Variants in JARID2 observed in about 807,000 individuals in gnomAD.
The protein encoded by JARID2 is jumonji and AT-rich interaction domain containing 2, also known as protein Jumonji.
JARID2 carries 21 observed loss-of-function variants against 125.6 expected under a neutral mutation model. The observed-to-expected ratio is 0.17, with a 90% confidence interval of 0.12 to 0.24. JARID2 has a LOEUF of 0.24. Among genes scored for constraint, JARID2 ranks in the 10% least tolerant of loss-of-function variants. The pLI is 1.00. For missense variants in JARID2, 1,303 were observed against 1,639.6 expected (o/e 0.79, Z 3.55); for synonymous variants, 736 against 661.6 (o/e 1.11, Z -1.73).
chr6:15,492,860 G>A (rs964119998), intron 6 of JARID2, among the ~76,000 whole-genome samples: 2 of 152,076 alleles, frequency 1.3e-5, no homozygotes, highest in Non-Finnish European at 2.9e-5. Context: ...TTGTTATATG[G>A]GCATGCGTGT....
intron 1 of JARID2, among the ~76,000 whole-genome samples, chr6:15,269,495 A>G (rs1760215151): frequency 6.6e-6 from 1 of 151,430 alleles, no homozygotes; most frequent in South Asian, 2.1e-4. Flanking sequence ...CCCACCCCCT[A>G]GTAGCTGGGA....
chr6:15,349,879 C>T lies in JARID2; in HGVS notation c.46-24238C>T, dbSNP rs76350807. Among the ~76,000 whole-genome samples the T allele has an allele frequency of 2.3e-3, 349 of 152,170 alleles. 12 individuals carry two copies. The East Asian group carries it at 0.063, about 27-fold the overall frequency. On this transcript the variant is annotated intron_variant, in intron 1 of 17. Coordinates refer to ENST00000341776, the MANE Select transcript of JARID2 (RefSeq NM_004973.4). Reference sequence around the variant, plus strand: ...TCTTTTTTGGAGATGAGACGGACACCGTTGAAATGTATATACAATGACAGA... The same window carrying T: ...TCTTTTTTGGAGATGAGACGGACACTGTTGAAATGTATATACAATGACAGA...
At chr6:15,456,782 A>T (rs557103935) in intron 4 of JARID2, among the ~76,000 whole-genome samples, 17 of 146,346 alleles carry the variant, frequency 1.2e-4, no homozygotes, top group African/African-American at 4.3e-4. Flanking sequence ...TAAAACCTGT[A>T]TTTCAGTGTG....
chr6:15,392,242 T>A (rs1398688938), intron 2 of JARID2, among the ~76,000 whole-genome samples: 1 of 152,198 alleles, frequency 6.6e-6, no homozygotes, highest in East Asian at 1.9e-4. Context: ...TATTCGTTTG[T>A]ATACGAAGTT....
chr6:15,404,168 T>TG (rs1765553267), intron 2 of JARID2, among the ~76,000 whole-genome samples: 1 of 152,076 alleles, frequency 6.6e-6, no homozygotes, highest in African/African-American at 2.4e-5. Flanking sequence ...AGCAAGTCAG[T>TG]GGACAAGCCT....
At chr6:15,500,079 C>T (rs776465067) in intron 7 of JARID2, among the ~76,000 whole-genome samples, 8 of 152,162 alleles carry the variant, frequency 5.3e-5, no homozygotes, top group Non-Finnish European at 8.8e-5. Flanking sequence ...GAAAATCTCC[C>T]CTACCCCCCT....
rs140995130 is a variant in JARID2, at chr6:15,452,194, C to A, written c.493+19C>A. Reference sequence around the variant, plus strand: ...CTTCGAGGTAAGACTTTGCAACCATCGGCGGAGGTCTACGTGGAATCTACA... The same window carrying A: ...CTTCGAGGTAAGACTTTGCAACCATAGGCGGAGGTCTACGTGGAATCTACA... On this transcript the variant is annotated intron_variant, in intron 4 of 17. Transcript: ENST00000341776. The A allele has an allele frequency of 6.2e-7, 1 of 1,612,758 alleles. No homozygotes were observed. The highest frequency in any genetic ancestry group is 8.5e-7 in the Non-Finnish European group (1 of 1,179,518).
chr6:15,490,881 T>TG (rs1185894317), intron 6 of JARID2, among the ~76,000 whole-genome samples: 1 of 152,230 alleles, frequency 6.6e-6, no homozygotes, highest in East Asian at 1.9e-4. Flanking sequence ...AGCCAGGATA[T>TG]TGAACCAGAT....
chr6:15,500,302 G>A (rs941970245), intron 7 of JARID2, among the ~76,000 whole-genome samples: 61 of 152,318 alleles, frequency 4.0e-4, no homozygotes, highest in African/African-American at 1.4e-3. Flanking sequence ...GTGTCCTCAC[G>A]CAGGTGTTGC....
At position 15,253,043 on chromosome 6, in the gene JARID2, C is replaced by T. The variant is rs79582695; in HGVS notation, c.45+6459C>T. 7.1e-3 allele frequency among the ~76,000 whole-genome samples: 1,081 copies of T among 152,064 alleles called. 11 individuals are homozygous for T. Among genetic ancestry groups the T allele is most frequent in the African/African-American group, 0.025 (1,021 of 41,460 alleles). On this transcript the variant is annotated intron_variant, in intron 1 of 17. Coordinates refer to ENST00000341776, the MANE Select transcript of JARID2 (RefSeq NM_004973.4). The stretch of plus-strand genomic sequence containing the variant: ...TTCAGACAATCCTATAACCTTCTGC[C>T]AGCTTCAGGTTTTTTTAATAAGGAT...
intron 3 of JARID2, among the ~76,000 whole-genome samples, chr6:15,416,374 C>T (rs1013425338): frequency 2.6e-5 from 4 of 152,326 alleles, no homozygotes; most frequent in African/African-American, 7.2e-5. Flanking sequence ...CGAGATCACG[C>T]CACTGCACTC....
intron 2 of JARID2, among the ~76,000 whole-genome samples, chr6:15,394,094 A>G (rs1160964837): frequency 6.6e-6 from 1 of 152,110 alleles, no homozygotes; most frequent in East Asian, 1.9e-4. Flanking sequence ...GAGATCTCAT[A>G]ATTTATTGTA....
At chr6:15,322,514 A>G (rs1331262460) in intron 1 of JARID2, among the ~76,000 whole-genome samples, 2 of 152,202 alleles carry the variant, frequency 1.3e-5, no homozygotes, top group Non-Finnish European at 2.9e-5. Flanking sequence ...CCTTTCCTTC[A>G]AAGTGGGAGA....
chr6:15,292,748 A>G (rs917471800), intron 1 of JARID2, among the ~76,000 whole-genome samples: 7 of 152,172 alleles, frequency 4.6e-5, no homozygotes, highest in South Asian at 4.1e-4. Context: ...GCTCACTGCA[A>G]CCTTTGCTTC....
intron 1 of JARID2, among the ~76,000 whole-genome samples, chr6:15,287,873 A>C (rs1355638401): frequency 6.6e-6 from 1 of 152,120 alleles, no homozygotes; most frequent in Non-Finnish European, 1.5e-5. Context: ...CCACTTCCCC[A>C]TTTGTGAGCT....
At chr6:15,397,909 G>T (rs948513519) in intron 2 of JARID2, among the ~76,000 whole-genome samples, 1 of 152,168 alleles carries the variant, frequency 6.6e-6, no homozygotes, top group Admixed American at 6.5e-5. Context: ...CCTTGGACAT[G>T]AGAATCATGG....
intron 1 of JARID2, among the ~76,000 whole-genome samples, chr6:15,315,765 A>G (rs1762158983): frequency 6.6e-6 from 1 of 152,174 alleles, no homozygotes; most frequent in East Asian, 1.9e-4. Context: ...AATTGTTAGC[A>G]GAACTGGGAA....
At chr6:15,381,219 C>A (rs374824925) in intron 2 of JARID2, among the ~76,000 whole-genome samples, 2 of 150,014 alleles carry the variant, frequency 1.3e-5, no homozygotes, top group African/African-American at 4.9e-5. Flanking sequence ...ATTAGCCGGG[C>A]GTGGTGGCGG....
intron 1 of JARID2, among the ~76,000 whole-genome samples, chr6:15,325,595 T>C (rs984880344): frequency 1.2e-4 from 18 of 152,294 alleles, no homozygotes; most frequent in Admixed American, 3.9e-4. Flanking sequence ...CTTGGGACTT[T>C]GATTTCACCA....
Sources: allele counts gnomAD v4.1 joint callset (sites outside exome capture counted in the v4.1 genomes callset), GRCh38; gene constraint gnomAD v4.1.1; transcripts MANE v1.5; gene names NCBI Gene and HGNC (gene_info 2026-07-23, HGNC 2026-07-21).